Variants in PTPRN2 observed in about 807,000 individuals in gnomAD.
The protein encoded by PTPRN2 is protein tyrosine phosphatase receptor type N2.
PTPRN2 carries 74 observed loss-of-function variants against 118.8 expected under a neutral mutation model. That is an observed-to-expected ratio of 0.62 (90% confidence interval 0.52 to 0.76). PTPRN2 has a LOEUF of 0.76. PTPRN2 is among the 30% of genes least tolerant of loss of function. The pLI, the probability that PTPRN2 is intolerant of heterozygous loss-of-function variation, is 0.00. For missense variants in PTPRN2, 1,481 were observed against 1,394.4 expected (o/e 1.06, Z -0.99); for synonymous variants, 641 against 608.0 (o/e 1.05, Z -0.80).
chr7:158,488,123 C>T (rs981343150), intron 2 of PTPRN2, among the ~76,000 whole-genome samples: 1 of 152,120 alleles, frequency 6.6e-6, no homozygotes, highest in Non-Finnish European at 1.5e-5. Context: ...CTACTTACGG[C>T]TCCAATTAAA....
intron 11 of PTPRN2, among the ~76,000 whole-genome samples, chr7:157,951,429 C>G (rs1800800630): frequency 6.6e-6 from 1 of 152,154 alleles, no homozygotes; most frequent in Non-Finnish European, 1.5e-5. Context: ...TTCCATCTTC[C>G]CTATTGGCAC....
chr7:158,284,338 C>G (rs201090988), intron 3 of PTPRN2, among the ~76,000 whole-genome samples: 1 of 151,824 alleles, frequency 6.6e-6, no homozygotes, highest in East Asian at 1.9e-4. Context: ...CCAAGTCAGC[C>G]GGGCACTGGG....
chr7:157,997,544 G>T (rs1056251707), intron 11 of PTPRN2, among the ~76,000 whole-genome samples: 13 of 152,208 alleles, frequency 8.5e-5, no homozygotes, highest in Admixed American at 7.2e-4. Flanking sequence ...AAGAGGGAAG[G>T]ACCAGGGAGG....
At chr7:157,556,567 G>A (rs1399455494) in intron 21 of PTPRN2, among the ~76,000 whole-genome samples, 1 of 147,078 alleles carries the variant, frequency 6.8e-6, no homozygotes, top group Non-Finnish European at 1.5e-5. Flanking sequence ...ATATGTACAT[G>A]CACACACATA....
intron 12 of PTPRN2, among the ~76,000 whole-genome samples, chr7:157,815,984 G>A (rs1054527857): frequency 1.3e-5 from 2 of 152,170 alleles, no homozygotes; most frequent in Non-Finnish European, 2.9e-5. Context: ...TGAACATACT[G>A]TCACCCTCGT....
At chr7:157,724,398 T>C (rs987791752) in intron 12 of PTPRN2, among the ~76,000 whole-genome samples, 8 of 152,362 alleles carry the variant, frequency 5.3e-5, no homozygotes, top group South Asian at 2.1e-4. Flanking sequence ...AAAGCTTTGT[T>C]TGTCTATTAT....
At chr7:158,305,119 G>C (rs2151058003) in intron 3 of PTPRN2, among the ~76,000 whole-genome samples, 1 of 152,306 alleles carries the variant, frequency 6.6e-6, no homozygotes, top group South Asian at 2.1e-4. Context: ...AGGAGGGTAG[G>C]ATAAGGTGTG....
At chr7:157,994,032 T>C (rs750081405) in intron 11 of PTPRN2, among the ~76,000 whole-genome samples, 3 of 152,222 alleles carry the variant, frequency 2.0e-5, no homozygotes, top group Non-Finnish European at 4.4e-5. Context: ...TTGAATAATT[T>C]ATCGCAAAGT....
chr7:157,673,465 C>T (rs904740214), intron 13 of PTPRN2, among the ~76,000 whole-genome samples: 4 of 152,216 alleles, frequency 2.6e-5, no homozygotes, highest in Admixed American at 6.5e-5. Context: ...CAGGAAAAGC[C>T]GCTGTTCAGA....
intron 5 of PTPRN2, among the ~76,000 whole-genome samples, chr7:158,170,192 C>A (rs1823412205): frequency 6.6e-6 from 1 of 152,180 alleles, no homozygotes; most frequent in African/African-American, 2.4e-5. Context: ...CAAACAGCCC[C>A]TCTAGCAATT....
At chr7:157,658,013 TACAC>T (rs1279382157) in intron 13 of PTPRN2, among the ~76,000 whole-genome samples, 4 of 139,114 alleles carry the variant, frequency 2.9e-5, no homozygotes, top group Admixed American at 1.4e-4. Flanking sequence ...CACACACACA[TACAC>T]ACATCACAGA....
chr7:158,313,656 G>A (rs1223842641), intron 3 of PTPRN2, among the ~76,000 whole-genome samples: 1 of 152,190 alleles, frequency 6.6e-6, no homozygotes, highest in Non-Finnish European at 1.5e-5. Flanking sequence ...TCTCCATAAA[G>A]ATGCTCTTAT....
chr7:157,553,529 T>C (rs951404829), intron 21 of PTPRN2, among the ~76,000 whole-genome samples: 1 of 152,182 alleles, frequency 6.6e-6, no homozygotes, highest in Non-Finnish European at 1.5e-5. Context: ...TTTCATGACA[T>C]CGTGGCTCCC....
chr7:157,684,434 G>C (rs1005762330), intron 12 of PTPRN2, among the ~76,000 whole-genome samples: 1 of 140,766 alleles, frequency 7.1e-6, no homozygotes, highest in African/African-American at 2.6e-5. Context: ...TGGGGGAGGG[G>C]AGTGAGCAGG....
chr7:158,577,959 G>C (rs1386303622), intron 1 of PTPRN2, among the ~76,000 whole-genome samples: 1 of 152,180 alleles, frequency 6.6e-6, no homozygotes, highest in African/African-American at 2.4e-5. Flanking sequence ...GGCACAGCAA[G>C]ACTGCCCACC....
rs191324530 is a variant in PTPRN2 at position 157,560,581 on chromosome 7, T to C, written c.2902+8321A>G. On this transcript the variant is annotated intron_variant, in intron 21 of 22. Coordinates refer to ENST00000389418, the MANE Select transcript of PTPRN2 (RefSeq NM_002847.5). This position sits in a 1 kb window ranked among gnomAD's most constrained non-coding sequence, Gnocchi z 6.7. ...CACGCCCCACATCCCTCACTGTTTC[T>C]CTTGCACCAGAATAGCTCAGGGGAA... 1.7e-3 allele frequency among the ~76,000 whole-genome samples: 261 copies of C among 152,258 alleles called. 4 individuals are homozygous for C. Among genetic ancestry groups the C allele is most frequent in the African/African-American group, 6.2e-3 (258 of 41,532 alleles).
intron 12 of PTPRN2, among the ~76,000 whole-genome samples, chr7:157,760,200 C>T (rs1039169277): frequency 8.5e-5 from 13 of 152,186 alleles, no homozygotes; most frequent in Admixed American, 5.2e-4. Flanking sequence ...CAGTTTCCCA[C>T]GTGCTCAGGG....
chr7:157,911,494 T>C (rs1374454237), intron 11 of PTPRN2, among the ~76,000 whole-genome samples: 1 of 152,222 alleles, frequency 6.6e-6, no homozygotes. Flanking sequence ...CTCAGATGAC[T>C]TTCTCTTGAA....
At chr7:157,941,090 C>T (rs113486000) in intron 11 of PTPRN2, among the ~76,000 whole-genome samples, 1 of 49,504 alleles carries the variant, frequency 2.0e-5, no homozygotes, top group African/African-American at 9.7e-5. Context: ...CACCCTCCCC[C>T]GTGACACTGC....
Sources: gnomAD v4.1 joint callset for allele counts (sites outside exome capture counted in the v4.1 genomes callset) on GRCh38, gnomAD v4.1.1 for gene constraint, Gnocchi (gnomAD v3.1) non-coding constraint, MANE v1.5 for transcripts, NCBI Gene and HGNC (gene_info 2026-07-23, HGNC 2026-07-21) for gene names.